The following CRIP2 variants were observed in gnomAD, a reference collection of about 807,000 sequenced individuals.
CRIP2 encodes the protein cysteine-rich protein 2.
Under a neutral mutation model 31.3 loss-of-function variants are expected in CRIP2, and 31 were observed. The ratio of observed to expected loss-of-function variants is 0.99; its 90% CI spans 0.74 to 1.34. CRIP2 has a LOEUF of 1.34. CRIP2 is among the 40% of genes most tolerant of loss of function. CRIP2 has a pLI of 0.00. For synonymous variants in CRIP2, 177 were observed against 127.2 expected (o/e 1.39, Z -2.63); for missense variants, 389 against 301.6 (o/e 1.29, Z -2.15).
At position 105,478,522 on chromosome 14, in the gene CRIP2, C is replaced by T. The variant is rs1555436439; in HGVS notation, c.196+15C>T. 3.1e-6 allele frequency: 5 copies of T among 1,605,578 alleles called. No homozygotes were observed. The highest frequency in any genetic ancestry group is 2.2e-5 in the East Asian group (1 of 44,678). On this transcript the variant is annotated intron_variant, in intron 3 of 7. Transcript: ENST00000329146. This position sits in a 1 kb window ranked among gnomAD's most constrained non-coding sequence, Gnocchi z 4.9. ...CGGACCCAAAGGTGAGCTCCGGCTG[C>T]CCTCGGCCTGCCCTGGGACCTGCTG...
At position 105,478,605 on chromosome 14, in the gene CRIP2, C is replaced by T. The variant is rs1025924708; in HGVS notation, c.196+98C>T. 15 of 1,518,462 alleles carry T rather than the reference C, an allele frequency of 9.9e-6. No individual in the cohort carries two copies. In the African/African-American group the frequency reaches 1.9e-4, roughly 20 times the overall value. The allele number at this position is 1,518,462 out of a possible 1,614,324, so 94.1% of individuals were successfully genotyped here. ...GGGGGTCCCGGCCGCCGTGGATCCC[C>T]GCCCAGAGTCCCTGCCACCCTGGAA... is the stretch of plus-strand genomic sequence containing the variant. On this transcript the variant is annotated intron_variant, in intron 3 of 7. Coordinates refer to ENST00000329146, the MANE Select transcript of CRIP2 (RefSeq NM_001312.4). The surrounding 1 kb of genome is among the most constrained non-coding windows in gnomAD (Gnocchi z 4.9).
intron 5 of CRIP2, 34 bp downstream of exon 5, chr14:105,479,081 C>T: frequency 6.3e-7 from 1 of 1,586,040 alleles, no homozygotes; most frequent in Non-Finnish European, 8.6e-7. Flanking sequence ...ACCCCCGCCC[C>T]CGCCCCCGCC....
chr14:105,479,661 C>A lies in CRIP2; in HGVS notation c.*8C>A. ...GGCAAGGTCCAGCCCTAGGCTACAG[C>A]GGCTCTCATGATGTGGGCTCACCTG... On this transcript the variant is annotated 3_prime_UTR_variant, in exon 8 of 8. Coordinates refer to ENST00000329146, the MANE Select transcript of CRIP2 (RefSeq NM_001312.4). 1 of 1,610,320 alleles carries A rather than the reference C, an allele frequency of 6.2e-7. No individual in the cohort carries two copies. The highest frequency in any genetic ancestry group is 2.2e-5 in the East Asian group (1 of 44,746).
Position 105,478,035 on chromosome 14 carries a change from G to T in CRIP2, c.44-231G>T, listed in dbSNP as rs1309825399. Among the ~76,000 whole-genome samples, 2 of 151,804 alleles carry T rather than the reference G, an allele frequency of 1.3e-5. No individual in the cohort carries two copies. The highest frequency in any genetic ancestry group is 1.3e-4 in the Admixed American group (2 of 15,270). On this transcript the variant is annotated intron_variant, in intron 1 of 7. Transcript: ENST00000329146. The surrounding 1 kb of genome is among the most constrained non-coding windows in gnomAD (Gnocchi z 4.9). ...CCTTCTCAAAGGCGGCTCTAGCGGG[G>T]TTCCAGGGCTGGGGGCGCTGAGACC... is the stretch of plus-strand genomic sequence containing the variant.
At chr14:105,473,270 C>G (rs1555435123), upstream of CRIP2, 1 of 1,381,552 alleles carries the variant, frequency 7.2e-7, no homozygotes, top group East Asian at 3.6e-5. Flanking sequence ...CATCTTCTGC[C>G]TTGGCTGGCA....
rs1555436373 is a variant in CRIP2 at position 105,478,385 on chromosome 14, CG to C, written c.138+30del. On this transcript the variant is annotated intron_variant, in intron 2 of 7. Transcript: ENST00000329146. The surrounding 1 kb of genome is among the most constrained non-coding windows in gnomAD (Gnocchi z 4.9). ...GGTGAGCCCCACTGCGCGGCGCGGG[CG>C]GGGGCGGGGGTCGCGACTCCCGCCA... The C allele has an allele frequency of 3.8e-6, 6 of 1,566,488 alleles. No individual in the cohort carries two copies. The highest frequency in any genetic ancestry group is 4.7e-5 in the East Asian group (2 of 42,526).
intron 1 of CRIP2, chr14:105,475,216 A>C: frequency 3.5e-6 from 1 of 283,754 alleles, no homozygotes; most frequent in Non-Finnish European, 6.6e-6. Flanking sequence ...GGATCCGCGG[A>C]CGCATCCCGG....
At chr14:105,477,074 T>C in intron 1 of CRIP2, 1 of 197,612 alleles carries the variant, frequency 5.1e-6, no homozygotes. Context: ...CTGAGGGGCT[T>C]GGCCAGATTC....
chr14:105,479,021 C>A lies in CRIP2; in HGVS notation c.380C>A (p.Pro127Gln). ...TTCACCGGGGAGCCCAACACGTGCCCGCGCTGCAGCAAGAAGGTGTACTTC... is the reference window on the plus strand; with the variant it reads ...TTCACCGGGGAGCCCAACACGTGCCAGCGCTGCAGCAAGAAGGTGTACTTC... ...TTFTGEPNTC[P>Q]RCSKKVYFAE... The change falls in exon 5 of 8, where the codon CCG (proline) becomes CAG (glutamine). Residue 127 changes from proline to glutamine, a missense_variant. Transcript: ENST00000329146. 6.3e-7 allele frequency: 1 copy of A among 1,583,528 alleles called. No homozygotes were observed. The highest frequency in any genetic ancestry group is 8.6e-7 in the Non-Finnish European group (1 of 1,167,622).
chr14:105,479,050 G>A lies in CRIP2; in HGVS notation c.406+3G>A. On this transcript the variant is annotated splice_donor_region_variant and intron_variant, in intron 5 of 7. Transcript: ENST00000329146. ...CTGCAGCAAGAAGGTGTACTTCGGT[G>A]AGTGCGCGCCCGGGCCCCGGACCCC... is the stretch of plus-strand genomic sequence containing the variant. 2 of 1,572,826 alleles carry A rather than the reference G, an allele frequency of 1.3e-6. No homozygotes were observed. The highest frequency in any genetic ancestry group is 1.3e-5 in the African/African-American group (1 of 74,174).
Position 105,479,498 on chromosome 14 carries a change from G to A in CRIP2, c.559+5G>A. 1.2e-6 allele frequency: 2 copies of A among 1,612,982 alleles called. No homozygotes were observed. The highest frequency in any genetic ancestry group is 1.7e-6 in the Non-Finnish European group (2 of 1,179,958). ...GAATCCTCTTCGGACCCAAGGGTGA[G>A]TGTAGCCAGGGTGGTCCACGATGTC... On this transcript the variant is annotated splice_donor_5th_base_variant and intron_variant, in intron 7 of 7. Transcript: ENST00000329146.
At chr14:105,477,096 G>T in intron 1 of CRIP2, 1 of 231,978 alleles carries the variant, frequency 4.3e-6, no homozygotes, top group South Asian at 1.6e-4. Context: ...GCCGGGCAGG[G>T]TGGGCCCAGC....
rs587680977 is a variant in CRIP2 at position 105,477,491 on chromosome 14, G to A, written c.44-775G>A. Reference sequence around the variant, plus strand: ...GCTGCACCTTTGACTCAGCAGCGGGGTGCTGCCAGCCCCATCAGGGCCCAG... The same window carrying A: ...GCTGCACCTTTGACTCAGCAGCGGGATGCTGCCAGCCCCATCAGGGCCCAG... On this transcript the variant is annotated intron_variant, in intron 1 of 7. Transcript: ENST00000329146. 4 of 984,960 alleles carry A rather than the reference G, an allele frequency of 4.1e-6. No individual in the cohort carries two copies. In the South Asian group the frequency reaches 1.4e-4, roughly 35 times the overall value. 61.0% of individuals were successfully genotyped at this position (984,960 alleles called of 1,614,324 possible). A position where few individuals can be genotyped will look rare whatever the true frequency, so the allele number is the denominator to read the frequency against.
chr14:105,477,275 G>C, intron 1 of CRIP2: 1 of 985,480 alleles, frequency 1.0e-6, no homozygotes, highest in South Asian at 4.7e-5. Flanking sequence ...GGGGGTGGGA[G>C]GCAGTGGCAG....
At chr14:105,477,806 G>A (rs2083973707) in intron 1 of CRIP2, among the ~76,000 whole-genome samples, 2 of 113,166 alleles carry the variant, frequency 1.8e-5, no homozygotes, top group South Asian at 6.3e-4. Context: ...CAGATTTGTG[G>A]GGGGAGGCGG....
Position 105,479,195 on chromosome 14 carries a change from A to C in CRIP2, c.477A>C (p.Thr159=), listed in dbSNP as rs2084030280. ...PCLRCERCGK[T]LTPGGHAEHD... is the part of the protein sequence containing the mutation. ...TGCGCTGCGAGCGCTGCGGGAAGAC[A>C]CTGACCCCCGGCGGGCACGCGGAGG... Residue 159 remains threonine (T), a synonymous_variant, in exon 6 of 8, where the codon ACA becomes ACC. Transcript: ENST00000329146. 2 of 1,610,734 alleles carry C rather than the reference A, an allele frequency of 1.2e-6. No individual in the cohort carries two copies. Among genetic ancestry groups the C allele is most frequent in the Non-Finnish European group, 1.7e-6 (2 of 1,179,210 alleles).
rs2084012374 is a variant in CRIP2 at position 105,478,764 on chromosome 14, A to G, written c.230A>G (p.Tyr77Cys). 1.4e-6 allele frequency: 2 copies of G among 1,429,212 alleles called. No homozygotes were observed. Among genetic ancestry groups the G allele is most frequent in the African/African-American group, 1.5e-5 (1 of 68,160 alleles). 88.5% of individuals were successfully genotyped at this position (1,429,212 alleles called of 1,614,324 possible). The change falls in exon 4 of 8, where the codon TAC becomes TGC. Residue 77 changes from tyrosine to cysteine, a missense_variant. Tyr to Cys is a radical substitution (Grantham distance 194). Transcript: ENST00000329146. This position sits in a 1 kb window ranked among gnomAD's most constrained non-coding sequence, Gnocchi z 4.9. ...VNIGGAGSYI[Y>C]EKPLAEGPQV... ...ATCGGGGGCGCGGGCTCCTACATCT[A>G]CGAGAAGCCCCTGGCGGAGGGGCCG...
Position 105,478,166 on chromosome 14 carries a change from G to A in CRIP2, c.44-100G>A, listed in dbSNP as rs1247910037. 38 of 947,498 alleles carry A rather than the reference G, an allele frequency of 4.0e-5. No homozygotes were observed. The highest frequency in any genetic ancestry group is 5.7e-5 in the Non-Finnish European group (38 of 668,220). 58.7% of individuals were successfully genotyped at this position (947,498 alleles called of 1,614,324 possible). ...GCGCCTGGGAGACCTCCTGAAAGTG[G>A]GGACCCCCGGAGCGCGTGGGGGTGG... is the stretch of plus-strand genomic sequence containing the variant. On this transcript the variant is annotated intron_variant, in intron 1 of 7. Transcript: ENST00000329146. The surrounding 1 kb of genome is among the most constrained non-coding windows in gnomAD (Gnocchi z 4.9).
At position 105,478,485 on chromosome 14, in the gene CRIP2, C is replaced by T. The variant is rs782319443; in HGVS notation, c.174C>T (p.Tyr58=). 2.7e-5 allele frequency: 44 copies of T among 1,608,850 alleles called. No homozygotes were observed. Among genetic ancestry groups the T allele is most frequent in the East Asian group, 4.5e-5 (2 of 44,830 alleles). ...AGCCGTTCTGCCACAAGCCGTGCTA[C>T]GCCACCCTGTTCGGACCCAAAGGTG... ...DGKPFCHKPC[Y]ATLFGPKGVN... The change falls in exon 3 of 8, where the codon TAC becomes TAT. Residue 58 remains tyrosine, a synonymous_variant. Coordinates refer to ENST00000329146, the MANE Select transcript of CRIP2 (RefSeq NM_001312.4). The surrounding 1 kb of genome is among the most constrained non-coding windows in gnomAD (Gnocchi z 4.9).
Sources: gnomAD v4.1 joint callset for allele counts (sites outside exome capture counted in the v4.1 genomes callset) on GRCh38, gnomAD v4.1.1 for gene constraint, Gnocchi (gnomAD v3.1) non-coding constraint, MANE v1.5 for transcripts, NCBI Gene and HGNC (gene_info 2026-07-23, HGNC 2026-07-21) for gene names.